ZNF215: variants seen among roughly 807,000 people sequenced by gnomAD.
ZNF215 encodes BWSCR2-associated zinc finger protein 2.
In ZNF215, 24 loss-of-function variants were observed where a neutral mutation model predicts 27.2. The ratio of observed to expected loss-of-function variants is 0.88; its 90% CI spans 0.64 to 1.24. The LOEUF is 1.24. Among genes scored for constraint, ZNF215 ranks in the 50% most tolerant of loss-of-function variants. The pLI is 0.00. For missense variants in ZNF215, 675 were observed against 605.7 expected, an observed-to-expected ratio of 1.11 and a Z score of -1.20; for synonymous variants, 210 against 204.0, an observed-to-expected ratio of 1.03 and a Z score of -0.25.
chr11:6,928,679 AT>A (rs1849146300), intron 2 of ZNF215, among the ~76,000 whole-genome samples: 1 of 152,204 alleles, frequency 6.6e-6, no homozygotes, highest in Non-Finnish European at 1.5e-5. Flanking sequence ...ACTTTTTAGT[AT>A]AAAGCCTTTT....
chr11:6,958,618 A>G (rs547547491), downstream of ZNF215, among the ~76,000 whole-genome samples: 22 of 152,314 alleles, frequency 1.4e-4, no homozygotes, highest in African/African-American at 5.3e-4. Context: ...AAATGTATAT[A>G]TAAAGGGGAG....
chr11:6,943,711 C>G, intron 6 of ZNF215, 70 bp downstream of exon 6: 1 of 1,204,282 alleles, frequency 8.3e-7, no homozygotes, highest in Non-Finnish European at 1.2e-6. Context: ...CAATGTGCAA[C>G]CCAATCTTTG....
intron 6 of ZNF215, among the ~76,000 whole-genome samples, chr11:6,954,082 C>T (rs565325744): frequency 4.6e-5 from 7 of 152,256 alleles, no homozygotes; most frequent in Admixed American, 1.3e-4. Flanking sequence ...GCTGTCTGAT[C>T]GTTTCTCTGG....
At chr11:6,930,465 T>C (rs1564941487) in intron 2 of ZNF215, among the ~76,000 whole-genome samples, 1 of 152,226 alleles carries the variant, frequency 6.6e-6, no homozygotes, top group Non-Finnish European at 1.5e-5. Flanking sequence ...CTCCTTCCCT[T>C]GGTTTTCTGT....
At chr11:6,973,311 A>G (rs999026639) in intron 5 of ZNF215, among the ~76,000 whole-genome samples, 25 of 152,082 alleles carry the variant, frequency 1.6e-4, no homozygotes, top group African/African-American at 4.6e-4. Context: ...GGGCATTTGG[A>G]TTGGTTCCAA....
downstream of ZNF215, among the ~76,000 whole-genome samples, chr11:6,991,670 C>A (rs935704226): frequency 1.3e-5 from 2 of 152,216 alleles, no homozygotes; most frequent in Non-Finnish European, 2.9e-5. Flanking sequence ...TTTATGACTT[C>A]TACACTTCTA....
chr11:6,947,795 T>C (rs954598117), intron 6 of ZNF215, among the ~76,000 whole-genome samples: 2 of 152,156 alleles, frequency 1.3e-5, no homozygotes, highest in East Asian at 1.9e-4. Flanking sequence ...TTCCATACGA[T>C]GTTAGCTGGG....
chr11:6,979,329 G>A (rs868806305), intron 5 of ZNF215, among the ~76,000 whole-genome samples: 6 of 2,512 alleles, frequency 2.4e-3, no homozygotes, highest in Non-Finnish European at 0.018. Context: ...GAATAACACA[G>A]TAATAATAAT....
chr11:6,977,867 A>G lies in ZNF215; in HGVS notation c.806-6262A>G, dbSNP rs74548130. On this transcript the variant is annotated intron_variant, in intron 5 of 5. Coordinates refer to the ZNF215 transcript ENST00000529903. ...CCCTAATGACCTAATCACTCATAAA[A>G]TTGAAATATATATACTCAACACTGT... Among the ~76,000 whole-genome samples, 761 of 152,186 alleles carry G rather than the reference A, an allele frequency of 5.0e-3. 6 individuals are homozygous for G. Among genetic ancestry groups the G allele is most frequent in the African/African-American group, 0.017 (723 of 41,552 alleles).
At chr11:6,980,604 CTTTTTA>C (rs1183220285) in intron 5 of ZNF215, among the ~76,000 whole-genome samples, 1 of 131,880 alleles carries the variant, frequency 7.6e-6, no homozygotes, top group East Asian at 1.9e-4. Flanking sequence ...TCTTAGTTTA[CTTTTTA>C]TTATTATTAT....
At chr11:6,958,983 C>T (rs1590075774), downstream of ZNF215, among the ~76,000 whole-genome samples, 1 of 152,174 alleles carries the variant, frequency 6.6e-6, no homozygotes, top group African/African-American at 2.4e-5. Context: ...CTGCCTTTCC[C>T]AGTCCACTGA....
intron 2 of ZNF215, among the ~76,000 whole-genome samples, chr11:6,929,703 C>T (rs964399643): frequency 6.6e-6 from 1 of 152,138 alleles, no homozygotes; most frequent in African/African-American, 2.4e-5. Context: ...TGACTTATCG[C>T]TATTAATGTT....
At chr11:6,935,566 A>G (rs1451699196) in intron 3 of ZNF215, among the ~76,000 whole-genome samples, 1 of 152,220 alleles carries the variant, frequency 6.6e-6, no homozygotes, top group African/African-American at 2.4e-5. Context: ...GAGCCTCAAA[A>G]TATATGAAGC....
intron 6 of ZNF215, among the ~76,000 whole-genome samples, chr11:6,994,240 A>G (rs1851152863): frequency 6.6e-6 from 1 of 151,370 alleles, no homozygotes; most frequent in African/African-American, 2.4e-5. Flanking sequence ...CGCATATTAA[A>G]GGCAAATTAT....
At chr11:6,959,251 T>C (rs2133313052), downstream of ZNF215, among the ~76,000 whole-genome samples, 3 of 152,260 alleles carry the variant, frequency 2.0e-5, no homozygotes, top group East Asian at 5.8e-4. Flanking sequence ...GATGAGGGCA[T>C]GGCAAGTTCA....
At chr11:6,934,547 C>T (rs968738418) in intron 3 of ZNF215, among the ~76,000 whole-genome samples, 4 of 152,086 alleles carry the variant, frequency 2.6e-5, no homozygotes, top group African/African-American at 7.2e-5. Flanking sequence ...CTTATGTTCC[C>T]CTTCCCCTGT....
intron 6 of ZNF215, among the ~76,000 whole-genome samples, chr11:6,953,406 C>T (rs534130694): frequency 3.9e-5 from 6 of 152,292 alleles, no homozygotes; most frequent in Middle Eastern, 6.8e-3. Flanking sequence ...TCACATAGTC[C>T]CATATTTCTT....
At chr11:6,963,089 T>C (rs1035321566) in intron 5 of ZNF215, among the ~76,000 whole-genome samples, 14 of 152,084 alleles carry the variant, frequency 9.2e-5, no homozygotes, top group Admixed American at 6.6e-5. Context: ...CATCCATCTT[T>C]CCTGGGCATG....
intron 6 of ZNF215, among the ~76,000 whole-genome samples, chr11:6,943,863 T>C (rs1849722551): frequency 6.6e-6 from 1 of 152,212 alleles, no homozygotes; most frequent in South Asian, 2.1e-4. Context: ...CTTAAAGCTG[T>C]GTGACCTGAG....
Sources: allele counts gnomAD v4.1 joint callset (sites outside exome capture counted in the v4.1 genomes callset), GRCh38; gene constraint gnomAD v4.1.1; transcripts MANE v1.5; gene names NCBI Gene and HGNC (gene_info 2026-07-23, HGNC 2026-07-21).